The following ZZEF1 variants were observed in gnomAD, a reference collection of about 807,000 sequenced individuals.
The protein encoded by ZZEF1 is zinc finger ZZ-type and EF-hand domain containing 1, also known as zinc finger ZZ-type and EF-hand domain-containing protein 1.
In ZZEF1, 157 loss-of-function variants were observed where a neutral mutation model predicts 342.8. That is an observed-to-expected ratio of 0.46 (90% CI 0.40 to 0.52). The LOEUF (loss-of-function observed/expected upper bound fraction) is 0.52. Ranked by LOEUF, ZZEF1 falls within the 20% of genes least tolerant of loss-of-function variation. The pLI is 0.00. For synonymous variants in ZZEF1, 1,505 were observed against 1,429.1 expected, an observed-to-expected ratio of 1.05 and a Z score of -1.20; for missense variants, 3,480 against 3,725.6, an observed-to-expected ratio of 0.93 and a Z score of 1.72.
In ZZEF1 at chr17:4,085,687, G is replaced by A; in HGVS notation, c.2629C>T (p.His877Tyr). Residue 877 changes from histidine (H) to tyrosine (Y), a missense_variant, in exon 16 of 55, where the codon CAT becomes TAT. This residue lies in a region of ZZEF1 where 1,528 missense variants were observed against 1,624.1 expected (regional missense o/e 0.94). Transcript: ENST00000381638. ...ATAATTACCATCATGGTGAAGAGAT[G>A]GTTCCGTCGGGTCTGTCGATTAGGA... ...FFPNRQTRRN[H>Y]LFTMMNVTEQ... The A allele has an allele frequency of 6.2e-7, 1 of 1,614,122 alleles. No homozygotes were observed. The highest frequency in any genetic ancestry group is 8.5e-7 in the Non-Finnish European group (1 of 1,180,006).
intron 12 of ZZEF1, 26 bp downstream of exon 12, chr17:4,090,693 T>A: frequency 6.4e-7 from 1 of 1,567,728 alleles, no homozygotes; most frequent in Non-Finnish European, 8.8e-7. Context: ...AGGAGGGGAG[T>A]GGGCAAACGA....
intron 5 of ZZEF1, among the ~76,000 whole-genome samples, chr17:4,112,269 C>A (rs2058324892): frequency 2.0e-5 from 3 of 150,964 alleles, no homozygotes; most frequent in South Asian, 2.1e-4. Context: ...CCTTAGCCCC[C>A]CAAGTGGCTG....
intron 45 of ZZEF1, among the ~76,000 whole-genome samples, chr17:4,020,640 A>G (rs376200148): frequency 1.3e-5 from 2 of 152,172 alleles, no homozygotes; most frequent in East Asian, 3.9e-4. Flanking sequence ...CCTGGCTGGG[A>G]TTTGCTTTTT....
intron 52 of ZZEF1, among the ~76,000 whole-genome samples, chr17:4,010,847 CAGACACAACA>C (rs2055933666): frequency 1.3e-5 from 2 of 151,562 alleles, no homozygotes. Flanking sequence ...CAACAGTAAA[CAGACACAACA>C]AAAGATGCCA....
chr17:4,024,099 G>GA (rs1287495331), intron 43 of ZZEF1, among the ~76,000 whole-genome samples: 4 of 147,492 alleles, frequency 2.7e-5, no homozygotes, highest in African/African-American at 7.5e-5. Flanking sequence ...ATGTTTCCTT[G>GA]AAAAATCATT....
At chr17:4,069,287 T>G (rs939199746) in intron 26 of ZZEF1, among the ~76,000 whole-genome samples, 1 of 152,126 alleles carries the variant, frequency 6.6e-6, no homozygotes, top group African/African-American at 2.4e-5. Flanking sequence ...CATATTGACA[T>G]TCCCCCCGCC....
chr17:4,139,852 G>A (rs2058813696), intron 1 of ZZEF1, among the ~76,000 whole-genome samples: 1 of 152,202 alleles, frequency 6.6e-6, no homozygotes, highest in African/African-American at 2.4e-5. Context: ...TAAGCCCTGA[G>A]TTTTAGCTGA....
intron 15 of ZZEF1, 118 bp from the exon 16 acceptor site, chr17:4,085,921 A>T (rs1704867989): frequency 7.4e-7 from 1 of 1,343,134 alleles, no homozygotes; most frequent in Non-Finnish European, 1.0e-6. Flanking sequence ...CAGAGTGAAG[A>T]AGTATTTCTG....
At position 4,114,441 on chromosome 17, in the gene ZZEF1, C is replaced by T. The variant is rs546462540; in HGVS notation, c.724G>A (p.Glu242Lys). Residue 242 changes from glutamate (E) to lysine (K), a missense_variant, in exon 4 of 55, where the codon GAG becomes AAG. By Grantham distance (56) the Glu-to-Lys change is moderately conservative. Transcript: ENST00000381638. ...GCTACTGACTTGAGTTTATCCATCT[C>T]TGGACTTCTAGTTAGATCTCCAGGG... is the stretch of plus-strand genomic sequence containing the variant. ...ESPGDLTRSPEMDKLKSVAKC... is the reference protein window; with the variant it reads ...ESPGDLTRSPKMDKLKSVAKC... 2.6e-5 allele frequency: 41 copies of T among 1,595,620 alleles called. No individual in the cohort carries two copies. The highest frequency in any genetic ancestry group is 3.1e-5 in the Non-Finnish European group (36 of 1,171,254).
At chr17:4,012,188 C>A (rs543706465) in intron 52 of ZZEF1, among the ~76,000 whole-genome samples, 1 of 152,312 alleles carries the variant, frequency 6.6e-6, no homozygotes, top group South Asian at 2.1e-4. Context: ...CACTGCTCAA[C>A]CAGACTGTGC....
chr17:4,052,163 G>A, intron 34 of ZZEF1, 27 bp from the exon 35 acceptor site: 4 of 1,589,112 alleles, frequency 2.5e-6, no homozygotes, highest in Non-Finnish European at 3.4e-6. Flanking sequence ...CAGTGTGAGG[G>A]GATGAGGTAG....
rs184932432 is a variant in ZZEF1 at position 4,019,870 on chromosome 17, G to A, written c.7405-101C>T. ...CTGAGAAGACAATATAGCAAAAGCTGCCACAGGTTATAATTGAGGAACATT... is the reference window on the plus strand; with the variant it reads ...CTGAGAAGACAATATAGCAAAAGCTACCACAGGTTATAATTGAGGAACATT... On this transcript the variant is annotated intron_variant, in intron 45 of 54. Coordinates refer to ENST00000381638, the MANE Select transcript of ZZEF1 (RefSeq NM_015113.4). 44 of 839,790 alleles carry A rather than the reference G, an allele frequency of 5.2e-5. No homozygotes were observed. The African/African-American group carries it at 5.8e-4, about 11-fold the overall frequency. 52.0% of individuals were successfully genotyped at this position (839,790 alleles called of 1,614,324 possible). A position where few individuals can be genotyped will look rare whatever the true frequency, so the allele number is the denominator to read the frequency against.
At chr17:4,060,302 C>T (rs1354636969) in intron 30 of ZZEF1, among the ~76,000 whole-genome samples, 2 of 152,216 alleles carry the variant, frequency 1.3e-5, no homozygotes, top group Non-Finnish European at 2.9e-5. Flanking sequence ...TGGTGGCTCA[C>T]ATCTGTAATC....
chr17:4,034,123 A>G lies in ZZEF1; in HGVS notation c.6476T>C (p.Val2159Ala), dbSNP rs1351074925. The G allele has an allele frequency of 6.2e-6, 10 of 1,614,050 alleles. No individual in the cohort carries two copies. Among genetic ancestry groups the G allele is most frequent in the Non-Finnish European group, 8.5e-6 (10 of 1,180,044 alleles). ...AAACAGGTTGTGTTTGGCTGAGAGG[A>G]CTTTGATCACTGCGGCGTCTACCTC... ...PAEVDAAVIKVLSAKHNLFAA... is the reference protein window; with the variant it reads ...PAEVDAAVIKALSAKHNLFAA... Residue 2159 changes from valine to alanine, a missense_variant, in exon 40 of 55, where the codon GTC (valine) becomes GCC (alanine). Coordinates refer to ENST00000381638, the MANE Select transcript of ZZEF1 (RefSeq NM_015113.4).
intron 10 of ZZEF1, among the ~76,000 whole-genome samples, 157 bp from the exon 11 acceptor site, chr17:4,096,136 C>T (rs910949025): frequency 2.6e-5 from 4 of 152,146 alleles, no homozygotes; most frequent in African/African-American, 9.7e-5. Flanking sequence ...AAAGCTGTTT[C>T]CCAAGAAATG....
chr17:4,012,255 C>CT (rs1217008569), intron 52 of ZZEF1, among the ~76,000 whole-genome samples: 1 of 152,216 alleles, frequency 6.6e-6, no homozygotes, highest in Non-Finnish European at 1.5e-5. Context: ...CTGAGTGATC[C>CT]TGTCTGTGTA....
chr17:4,136,354 AAAC>A (rs1303825055), intron 1 of ZZEF1, among the ~76,000 whole-genome samples: 96 of 149,248 alleles, frequency 6.4e-4, no homozygotes, highest in Admixed American at 9.3e-4. Context: ...AAAAAAAAAA[AAAC>A]AAAGACATTA....
chr17:4,131,335 A>C (rs7220352), intron 1 of ZZEF1, among the ~76,000 whole-genome samples: 139,397 of 152,226 alleles, frequency 0.92, 65,123 homozygotes, highest in East Asian at 1. Flanking sequence ...ATAGAATGCC[A>C]ATGTGTTTAA....
intron 49 of ZZEF1, among the ~76,000 whole-genome samples, chr17:4,015,544 C>G (rs1336054786): frequency 6.6e-6 from 1 of 152,228 alleles, no homozygotes; most frequent in African/African-American, 2.4e-5. Context: ...GCGGGTGGAT[C>G]ACCTGAGGTC....
Sources: allele counts gnomAD v4.1 joint callset (sites outside exome capture counted in the v4.1 genomes callset), GRCh38; gene constraint gnomAD v4.1.1; regional missense constraint gnomAD v4.1.1; transcripts MANE v1.5; gene names NCBI Gene and HGNC (gene_info 2026-07-23, HGNC 2026-07-21).